Variants in FGF14 observed in about 807,000 individuals in gnomAD.
FGF14 encodes fibroblast growth factor homologous factor 4.
Under a neutral mutation model 25.5 loss-of-function variants are expected in FGF14, and 5 were observed. The ratio of observed to expected loss-of-function variants is 0.20; its 90% CI spans 0.10 to 0.41. The LOEUF (loss-of-function observed/expected upper bound fraction) is 0.41, where lower values mean the gene tolerates loss of function less well. Ranked by LOEUF, FGF14 falls within the 10% of genes least tolerant of loss-of-function variation. The probability of loss-of-function intolerance (pLI) is 1.00; values close to 1 mark genes in which losing one functional copy is unlikely to be tolerated. For synonymous variants in FGF14, 138 were observed against 118.3 expected (o/e 1.17, Z -1.08); for missense variants, 222 against 320.1 (o/e 0.69, Z 2.34).
intron 1 of FGF14, among the ~76,000 whole-genome samples, chr13:102,149,557 T>C (rs996392505): frequency 6.6e-5 from 10 of 152,144 alleles, no homozygotes; most frequent in African/African-American, 2.4e-4. Context: ...ATACAAAGAC[T>C]CAAAGTGCAA....
intron 1 of FGF14, among the ~76,000 whole-genome samples, chr13:102,225,831 C>A (rs1218772237): frequency 6.6e-6 from 1 of 152,078 alleles, no homozygotes; most frequent in Non-Finnish European, 1.5e-5. Context: ...TCCTTGAAAA[C>A]AAGATTCTGC....
intron 1 of FGF14, among the ~76,000 whole-genome samples, chr13:101,957,639 A>G (rs2139434982): frequency 6.6e-6 from 1 of 152,314 alleles, no homozygotes; most frequent in South Asian, 2.1e-4. Flanking sequence ...GATCTAACTC[A>G]GAGTCATCCA....
chr13:102,140,056 CT>C (rs2046583101), intron 1 of FGF14, among the ~76,000 whole-genome samples: 2 of 140,362 alleles, frequency 1.4e-5, no homozygotes, highest in South Asian at 2.5e-4. Context: ...CCCCCCCCCC[CT>C]TACAGCAGTA....
At position 101,711,611 on chromosome 13, in the gene FGF14, G is replaced by C. The variant is rs568601639; in HGVS notation, c.*11220C>G. 1.3e-5 allele frequency: 2 copies of C among 152,226 alleles called. No individual in the cohort carries two copies. The highest frequency in any genetic ancestry group is 2.9e-5 in the Non-Finnish European group (2 of 68,038). 9.4% of individuals were successfully genotyped at this position (152,226 alleles called of 1,614,324 possible). A position where few individuals can be genotyped will look rare whatever the true frequency, so the allele number is the denominator to read the frequency against. ...GGATTGAATCAGAGTGAAGTCTTCA[G>C]TTAACTGTTTGTTTATTGCCTGTGA... On this transcript the variant is annotated 3_prime_UTR_variant, in exon 5 of 5. Transcript: ENST00000376143.
At chr13:101,867,438 T>C (rs551004158) in intron 3 of FGF14, among the ~76,000 whole-genome samples, 1 of 152,080 alleles carries the variant, frequency 6.6e-6, no homozygotes, top group African/African-American at 2.4e-5. Flanking sequence ...AACAGAAAGA[T>C]AGAACTAGAA....
intron 1 of FGF14, among the ~76,000 whole-genome samples, chr13:102,117,398 G>A (rs573226609): frequency 6.6e-6 from 1 of 152,254 alleles, no homozygotes; most frequent in East Asian, 1.9e-4. Flanking sequence ...GTGGTTCTAA[G>A]CACCTGACTT....
At chr13:102,305,985 T>G (rs188380515) in intron 1 of FGF14, among the ~76,000 whole-genome samples, 1 of 152,158 alleles carries the variant, frequency 6.6e-6, no homozygotes, top group Non-Finnish European at 1.5e-5. Flanking sequence ...ATAATTTCAA[T>G]GCCCTGCCCT....
intron 3 of FGF14, among the ~76,000 whole-genome samples, chr13:101,815,306 G>T (rs995477741): frequency 1.3e-5 from 2 of 152,138 alleles, no homozygotes; most frequent in Non-Finnish European, 2.9e-5. Context: ...GGAAAGGCAT[G>T]AAAGAGGTAA....
At chr13:102,255,687 G>A (rs934005477) in intron 1 of FGF14, among the ~76,000 whole-genome samples, 1 of 152,120 alleles carries the variant, frequency 6.6e-6, no homozygotes, top group Admixed American at 6.6e-5. Flanking sequence ...GCTTCTGGGG[G>A]GCAAGTAGAT....
intron 3 of FGF14, among the ~76,000 whole-genome samples, chr13:101,779,711 T>C (rs1433789663): frequency 1.3e-5 from 2 of 152,186 alleles, no homozygotes; most frequent in East Asian, 1.9e-4. Flanking sequence ...CTGAACACTA[T>C]CATTATTATC....
In FGF14 at chr13:101,718,411, G is replaced by A. The variant is rs2139634638; in HGVS notation, c.*4420C>T. 6.6e-6 allele frequency: 1 copy of A among 152,036 alleles called. No individual in the cohort carries two copies. Among genetic ancestry groups the A allele is most frequent in the African/African-American group, 2.4e-5 (1 of 41,484 alleles). 9.4% of individuals were successfully genotyped at this position (152,036 alleles called of 1,614,324 possible). A position where few individuals can be genotyped will look rare whatever the true frequency, so the allele number is the denominator to read the frequency against. ...GAAACTCCCTCTAAAAAACAAGCAG[G>A]GCAAGAACAAACTTACTTGTAATGG... is the stretch of plus-strand genomic sequence containing the variant. On this transcript the variant is annotated 3_prime_UTR_variant, in exon 5 of 5. Coordinates refer to ENST00000376143, the MANE Select transcript of FGF14 (RefSeq NM_004115.4).
intron 3 of FGF14, among the ~76,000 whole-genome samples, chr13:101,740,072 T>TG (rs2036442231): frequency 6.6e-6 from 1 of 152,224 alleles, no homozygotes; most frequent in South Asian, 2.1e-4. Context: ...TCCCCTAGAT[T>TG]GCTCAATCAA....
intron 3 of FGF14, among the ~76,000 whole-genome samples, chr13:101,760,194 G>T (rs2037927887): frequency 6.6e-6 from 1 of 152,168 alleles, no homozygotes; most frequent in Non-Finnish European, 1.5e-5. Flanking sequence ...CAGTACGTGA[G>T]AATGAAAGGC....
chr13:102,330,426 T>C (rs1483772510), intron 1 of FGF14, among the ~76,000 whole-genome samples: 1 of 152,128 alleles, frequency 6.6e-6, no homozygotes, highest in Non-Finnish European at 1.5e-5. Context: ...CTCAACTCTC[T>C]CTCCTGCATC....
intron 1 of FGF14, among the ~76,000 whole-genome samples, chr13:101,897,025 C>A (rs1205735675): frequency 6.6e-6 from 1 of 152,076 alleles, no homozygotes; most frequent in African/African-American, 2.4e-5. Context: ...TCTTTTTCTC[C>A]CAATTCACAT....
intron 3 of FGF14, among the ~76,000 whole-genome samples, chr13:101,758,118 AT>A (rs1271816737): frequency 7.2e-5 from 11 of 152,248 alleles, no homozygotes; most frequent in African/African-American, 2.2e-4. Flanking sequence ...TATAAGCTCA[AT>A]AATATGCTTA....
At chr13:102,312,948 A>G (rs1156986782) in intron 1 of FGF14, among the ~76,000 whole-genome samples, 1 of 152,180 alleles carries the variant, frequency 6.6e-6, no homozygotes, top group East Asian at 1.9e-4. Context: ...TGAAAAGTCA[A>G]GTGGGGTAGA....
intron 1 of FGF14, among the ~76,000 whole-genome samples, chr13:102,096,853 C>G (rs2044425800): frequency 6.6e-6 from 1 of 152,150 alleles, no homozygotes; most frequent in African/African-American, 2.4e-5. Context: ...CTTGCTTGAA[C>G]AATGGGAAAT....
At chr13:101,987,915 C>G (rs1469107781) in intron 1 of FGF14, among the ~76,000 whole-genome samples, 1 of 151,936 alleles carries the variant, frequency 6.6e-6, no homozygotes, top group African/African-American at 2.4e-5. Flanking sequence ...AGTCAGTGCC[C>G]ACAACTGATC....
Sources: allele counts gnomAD v4.1 joint callset (sites outside exome capture counted in the v4.1 genomes callset), GRCh38; gene constraint gnomAD v4.1.1; transcripts MANE v1.5; gene names NCBI Gene and HGNC (gene_info 2026-07-23, HGNC 2026-07-21).